The following PKNOX2 variants were observed in gnomAD, a reference collection of about 807,000 sequenced individuals.
PKNOX2 encodes PBX/knotted 1 homeobox 2, also known as homeobox protein PKNOX2.
In PKNOX2, 14 loss-of-function variants were observed where a neutral mutation model predicts 53.1. The observed-to-expected ratio is 0.26, with a 90% CI of 0.17 to 0.41. The LOEUF (loss-of-function observed/expected upper bound fraction) is 0.41, where lower values mean the gene tolerates loss of function less well. PKNOX2 is among the 10% of genes least tolerant of loss of function. PKNOX2 has a pLI of 1.00. For missense variants in PKNOX2, 496 were observed against 602.8 expected, an observed-to-expected ratio of 0.82 and a Z score of 1.85; for synonymous variants, 257 against 242.8, an observed-to-expected ratio of 1.06 and a Z score of -0.54.
rs1951367711 is a variant in PKNOX2 at position 125,352,324 on chromosome 11, C to T, written c.87+932C>T. Among the ~76,000 whole-genome samples the T allele has an allele frequency of 1.3e-5, 2 of 152,290 alleles. No homozygotes were observed. Among genetic ancestry groups the T allele is most frequent in the South Asian group, 4.2e-4 (2 of 4,814 alleles). ...GGGCACCTGTGATGTGAAATGCACCCAGCTAGAATGTCCATCCACAAATTC... is the reference window on the plus strand; with the variant it reads ...GGGCACCTGTGATGTGAAATGCACCTAGCTAGAATGTCCATCCACAAATTC... On this transcript the variant is annotated intron_variant, in intron 4 of 12. Coordinates refer to ENST00000298282, the MANE Select transcript of PKNOX2 (RefSeq NM_001382323.2). This position sits in a 1 kb window ranked among gnomAD's most constrained non-coding sequence, Gnocchi z 4.1.
chr11:125,268,131 C>T (rs1945500235), intron 2 of PKNOX2, among the ~76,000 whole-genome samples: 1 of 152,182 alleles, frequency 6.6e-6, no homozygotes, highest in Admixed American at 6.5e-5. Context: ...CTCATGGGAG[C>T]AGATGCAGTC....
chr11:125,369,819 G>A (rs1179003760), intron 5 of PKNOX2, among the ~76,000 whole-genome samples: 1 of 152,196 alleles, frequency 6.6e-6, no homozygotes, highest in African/African-American at 2.4e-5. Flanking sequence ...AGGGAGTAGC[G>A]TGGCCTCTGA....
chr11:125,169,585 G>A (rs552852563), intron 1 of PKNOX2, among the ~76,000 whole-genome samples: 1 of 152,146 alleles, frequency 6.6e-6, no homozygotes, highest in African/African-American at 2.4e-5. Flanking sequence ...ACTCCAGTGG[G>A]TCATCTAGCT....
Position 125,166,262 on chromosome 11 carries a change from A to C in PKNOX2, c.-201+1486A>C, listed in dbSNP as rs1467978. Among the ~76,000 whole-genome samples the C allele has an allele frequency of 0.44, 66,487 of 151,828 alleles. 16,144 individuals are homozygous for C. The highest frequency in any genetic ancestry group is 0.65 in the African/African-American group (26,944 of 41,344). On this transcript the variant is annotated intron_variant, in intron 1 of 12. Coordinates refer to ENST00000298282, the MANE Select transcript of PKNOX2 (RefSeq NM_001382323.2). This position sits in a 1 kb window ranked among gnomAD's most constrained non-coding sequence, Gnocchi z 4.0. ...GAAGCTATTGGAATTTGGGGAGGGT[A>C]GCACGAGGGGTCCTGCAGCTCCGCG...
At chr11:125,317,581 T>C (rs527264756) in intron 2 of PKNOX2, among the ~76,000 whole-genome samples, 2 of 152,334 alleles carry the variant, frequency 1.3e-5, no homozygotes, top group East Asian at 3.9e-4. Flanking sequence ...GCATTGCCAA[T>C]GACTGGTAAC....
intron 1 of PKNOX2, among the ~76,000 whole-genome samples, chr11:125,233,860 T>C (rs568562315): frequency 2.6e-4 from 39 of 152,354 alleles, no homozygotes; most frequent in African/African-American, 5.5e-4. Context: ...TTACATTATG[T>C]CAAGTCCTTG....
At chr11:125,296,851 G>A (rs1334191637) in intron 2 of PKNOX2, among the ~76,000 whole-genome samples, 1 of 152,128 alleles carries the variant, frequency 6.6e-6, no homozygotes, top group African/African-American at 2.4e-5. Context: ...AGCCAGGATG[G>A]TCTTGATCTC....
intron 2 of PKNOX2, among the ~76,000 whole-genome samples, chr11:125,315,796 G>C (rs1175123803): frequency 6.6e-6 from 1 of 152,094 alleles, no homozygotes; most frequent in Non-Finnish European, 1.5e-5. Context: ...AGACCACAGT[G>C]CCCCCATGGC....
chr11:125,297,137 A>G (rs1947712134), intron 2 of PKNOX2, among the ~76,000 whole-genome samples: 1 of 152,342 alleles, frequency 6.6e-6, no homozygotes, highest in South Asian at 2.1e-4. Context: ...CACTTATGTC[A>G]TTTACTTTTC....
intron 7 of PKNOX2, among the ~76,000 whole-genome samples, chr11:125,401,141 G>C (rs537641682): frequency 1.3e-5 from 2 of 152,256 alleles, no homozygotes; most frequent in East Asian, 3.9e-4. Context: ...AAAAATAAAG[G>C]GAAAGAAAGC....
At chr11:125,177,419 A>T (rs564476877) in intron 1 of PKNOX2, among the ~76,000 whole-genome samples, 49 of 152,320 alleles carry the variant, frequency 3.2e-4, no homozygotes, top group African/African-American at 1.1e-3. Flanking sequence ...GGGCATCCTC[A>T]GAGTTAGCAA....
chr11:125,328,529 T>A (rs1949965422), intron 2 of PKNOX2, among the ~76,000 whole-genome samples: 1 of 151,082 alleles, frequency 6.6e-6, no homozygotes, highest in South Asian at 2.1e-4. Context: ...CAGGAAGGAG[T>A]AGTAAAAAGC....
intron 2 of PKNOX2, among the ~76,000 whole-genome samples, chr11:125,309,131 CTTTCTTTCTTTCT>C (rs1565493487): frequency 3.6e-3 from 367 of 102,204 alleles, no homozygotes; most frequent in African/African-American, 0.015. Context: ...TTACCTCTTC[CTTTCTTTCTTTCT>C]TTCTTTCTTT....
At chr11:125,181,023 C>T (rs1407019734) in intron 1 of PKNOX2, among the ~76,000 whole-genome samples, 3 of 152,162 alleles carry the variant, frequency 2.0e-5, no homozygotes, top group Non-Finnish European at 1.5e-5. Flanking sequence ...TTACTGACAT[C>T]GATATTAACA....
intron 2 of PKNOX2, among the ~76,000 whole-genome samples, chr11:125,289,589 A>G (rs1947172448): frequency 6.6e-6 from 1 of 152,152 alleles, no homozygotes; most frequent in African/African-American, 2.4e-5. Flanking sequence ...CTGAGCTTTC[A>G]GGCTCTGGGC....
rs144720372 is a variant in PKNOX2 at position 125,386,163 on chromosome 11, G to A, written c.399+441G>A. Among the ~76,000 whole-genome samples, 11 of 152,358 alleles carry A rather than the reference G, an allele frequency of 7.2e-5. No individual in the cohort carries two copies. The East Asian group carries it at 9.6e-4, about 13-fold the overall frequency. On this transcript the variant is annotated intron_variant, in intron 6 of 12. Coordinates refer to ENST00000298282, the MANE Select transcript of PKNOX2 (RefSeq NM_001382323.2). ...ATTAATGTGTTGGAGCACATTAATC[G>A]AGAGAAAGACCTGACATCGATGTGC...
chr11:125,266,417 C>A (rs988995240), intron 2 of PKNOX2, among the ~76,000 whole-genome samples: 4 of 152,186 alleles, frequency 2.6e-5, no homozygotes, highest in African/African-American at 4.8e-5. Context: ...GATTCTTGAA[C>A]CTTTCATCCT....
rs1245579207 is a variant in PKNOX2, at chr11:125,183,362, G to A, written c.-201+18586G>A. ...CTCCCGAGTAGCTGGGACTACAGGCGCCCGCCACCGCGCCCGGCTAATTTT... is the reference window on the plus strand; with the variant it reads ...CTCCCGAGTAGCTGGGACTACAGGCACCCGCCACCGCGCCCGGCTAATTTT... On this transcript the variant is annotated intron_variant, in intron 1 of 12. Transcript: ENST00000298282. 3.9e-5 allele frequency among the ~76,000 whole-genome samples: 4 copies of A among 103,114 alleles called. 1 individual carries two copies. The highest frequency in any genetic ancestry group is 6.5e-5 in the Non-Finnish European group (3 of 46,100). 67.6% of individuals were successfully genotyped at this position (103,114 alleles called of 152,430 possible).
At chr11:125,249,157 T>A (rs1943810004) in intron 2 of PKNOX2, among the ~76,000 whole-genome samples, 1 of 151,430 alleles carries the variant, frequency 6.6e-6, no homozygotes, top group African/African-American at 2.4e-5. Context: ...CATCTGGGGA[T>A]CCTATTCCCC....
Sources: gnomAD v4.1 joint callset for allele counts (sites outside exome capture counted in the v4.1 genomes callset) on GRCh38, gnomAD v4.1.1 for gene constraint, Gnocchi (gnomAD v3.1) non-coding constraint, MANE v1.5 for transcripts, NCBI Gene and HGNC (gene_info 2026-07-23, HGNC 2026-07-21) for gene names.